Variants in NXPE2 observed in about 807,000 individuals in gnomAD.
NXPE2 encodes neurexophilin and PC-esterase domain family member 2.
In NXPE2, 34 loss-of-function variants were observed where a neutral mutation model predicts 34.4. That is an observed-to-expected ratio of 0.99 (90% confidence interval 0.75 to 1.31). The LOEUF (loss-of-function observed/expected upper bound fraction) is 1.31, where lower values mean the gene tolerates loss of function less well. Among genes scored for constraint, NXPE2 ranks in the 40% most tolerant of loss-of-function variants. The pLI is 0.00. For missense variants in NXPE2, 649 were observed against 672.5 expected (o/e 0.97, Z 0.39); for synonymous variants, 235 against 231.3 (o/e 1.02, Z -0.15).
chr11:114,600,829 T>A, the NXPE2 span, among the ~76,000 whole-genome samples: 2 of 152,106 alleles, frequency 1.3e-5, no homozygotes, highest in Non-Finnish European at 2.9e-5. Flanking sequence ...GAAGGATATA[T>A]GAGAATCCTC....
the NXPE2 span, among the ~76,000 whole-genome samples, chr11:114,594,473 T>C: frequency 3.3e-5 from 5 of 152,214 alleles, no homozygotes; most frequent in Non-Finnish European, 7.4e-5. Context: ...AGAATGTGTA[T>C]GTGTGAACAC....
chr11:114,672,562 T>C, the NXPE2 span, among the ~76,000 whole-genome samples: 2 of 151,968 alleles, frequency 1.3e-5, no homozygotes, highest in Non-Finnish European at 2.9e-5. Context: ...CCAACTAACA[T>C]ATACTGCCTA....
the NXPE2 span, among the ~76,000 whole-genome samples, chr11:114,808,502 T>G: frequency 1.4e-5 from 2 of 145,106 alleles, no homozygotes; most frequent in Non-Finnish European, 3.0e-5. Flanking sequence ...TAAAAAATGA[T>G]AAAGGGGATA....
At chr11:114,539,213 C>T in the NXPE2 span, among the ~76,000 whole-genome samples, 74 of 146,466 alleles carry the variant, frequency 5.1e-4, no homozygotes, top group African/African-American at 1.6e-3. Flanking sequence ...TGTTCTCACT[C>T]ATAGGTGGGA....
At chr11:114,739,838 T>G in the NXPE2 span, among the ~76,000 whole-genome samples, 1 of 152,198 alleles carries the variant, frequency 6.6e-6, no homozygotes, top group Non-Finnish European at 1.5e-5. Flanking sequence ...CATTCAGTAT[T>G]TGTCTCTTTG....
chr11:114,742,010 T>C, the NXPE2 span, among the ~76,000 whole-genome samples: 2 of 152,138 alleles, frequency 1.3e-5, no homozygotes, highest in Non-Finnish European at 2.9e-5. Context: ...CTTTCTCAGA[T>C]TTTTTCTGTG....
the NXPE2 span, among the ~76,000 whole-genome samples, chr11:114,592,330 A>G: frequency 6.6e-6 from 1 of 152,170 alleles, no homozygotes; most frequent in East Asian, 1.9e-4. Flanking sequence ...GTAAAGTTGC[A>G]GGATACAAAA....
chr11:114,687,184 G>T (rs1413242687), intron 2 of NXPE2, among the ~76,000 whole-genome samples: 2 of 151,948 alleles, frequency 1.3e-5, no homozygotes, highest in East Asian at 3.9e-4. Context: ...TAAATTCTTT[G>T]CCTGGGCCAA....
chr11:114,607,946 T>C, the NXPE2 span, among the ~76,000 whole-genome samples: 1 of 150,944 alleles, frequency 6.6e-6, no homozygotes, highest in Non-Finnish European at 1.5e-5. Context: ...GTCTAACCAC[T>C]GTTACCCAGT....
chr11:114,759,567 T>C, the NXPE2 span, among the ~76,000 whole-genome samples: 1 of 152,232 alleles, frequency 6.6e-6, no homozygotes, highest in Non-Finnish European at 1.5e-5. Context: ...TCAGAGATTG[T>C]ATGTATCTTA....
the NXPE2 span, chr11:114,521,702 C>A: frequency 2.7e-6 from 1 of 370,752 alleles, no homozygotes; most frequent in African/African-American, 2.1e-5. Flanking sequence ...ATTTTCAAAT[C>A]AGCTTAATAA....
At chr11:114,542,237 T>G in the NXPE2 span, among the ~76,000 whole-genome samples, 1 of 152,190 alleles carries the variant, frequency 6.6e-6, no homozygotes, top group Non-Finnish European at 1.5e-5. Context: ...GTAAAATGTT[T>G]AAGAAAATCA....
chr11:114,756,313 C>T, the NXPE2 span, among the ~76,000 whole-genome samples: 5 of 152,064 alleles, frequency 3.3e-5, no homozygotes, highest in East Asian at 9.6e-4. Flanking sequence ...TTGATTAGCT[C>T]TATGATACAT....
the NXPE2 span, among the ~76,000 whole-genome samples, chr11:114,475,556 G>A: frequency 6.6e-6 from 1 of 151,976 alleles, no homozygotes; most frequent in Non-Finnish European, 1.5e-5. Context: ...ACTTTTTGCT[G>A]GCATCAGTTC....
At chr11:114,793,801 G>C in the NXPE2 span, among the ~76,000 whole-genome samples, 7 of 152,272 alleles carry the variant, frequency 4.6e-5, no homozygotes, top group East Asian at 1.3e-3. Flanking sequence ...AGAGAAGGAT[G>C]TTATTTTAAG....
At chr11:114,538,130 C>A in the NXPE2 span, among the ~76,000 whole-genome samples, 1 of 152,246 alleles carries the variant, frequency 6.6e-6, no homozygotes, top group African/African-American at 2.4e-5. Flanking sequence ...TGCCACATAT[C>A]TACAACTATC....
chr11:114,646,302 T>A, the NXPE2 span, among the ~76,000 whole-genome samples: 2 of 151,592 alleles, frequency 1.3e-5, no homozygotes, highest in African/African-American at 4.8e-5. Context: ...TCATAAATAT[T>A]ATGTATATTT....
the NXPE2 span, among the ~76,000 whole-genome samples, chr11:114,502,368 G>T: frequency 3.3e-5 from 5 of 151,988 alleles, no homozygotes; most frequent in African/African-American, 7.3e-5. Flanking sequence ...CATGTCTCTA[G>T]CCTTATTTTT....
the NXPE2 span, among the ~76,000 whole-genome samples, chr11:114,625,995 T>C: frequency 6.6e-6 from 1 of 152,146 alleles, no homozygotes; most frequent in South Asian, 2.1e-4. Flanking sequence ...CACCAGGAGA[T>C]TATATCCCGC....
Sources: allele counts gnomAD v4.1 joint callset (sites outside exome capture counted in the v4.1 genomes callset), GRCh38; gene constraint gnomAD v4.1.1; transcripts MANE v1.5; gene names NCBI Gene and HGNC (gene_info 2026-07-23, HGNC 2026-07-21).